SULT2B1: variants seen among roughly 807,000 people sequenced by gnomAD.
The protein encoded by SULT2B1 is sulfotransferase family 2B member 1, also known as sulfotransferase 2B1.
SULT2B1 carries 16 observed loss-of-function variants against 33.2 expected under a neutral mutation model. The observed-to-expected ratio is 0.48, with a 90% CI of 0.33 to 0.73. The LOEUF (loss-of-function observed/expected upper bound fraction) is 0.73, where lower values mean the gene tolerates loss of function less well. Among genes scored for constraint, SULT2B1 ranks in the 30% least tolerant of loss-of-function variants. The probability of loss-of-function intolerance (pLI) is 0.02; values close to 1 mark genes in which losing one functional copy is unlikely to be tolerated. For synonymous variants in SULT2B1, 186 were observed against 200.5 expected (o/e 0.93, Z 0.61); for missense variants, 500 against 506.0 (o/e 0.99, Z 0.11).
chr19:48,588,512 CA>C (rs60798824), intron 3 of SULT2B1, among the ~76,000 whole-genome samples: 4,664 of 139,814 alleles, frequency 0.033, 239 homozygotes, highest in African/African-American at 0.12. Flanking sequence ...AACTCCGTCT[CA>C]AAAAAAAAAC....
At chr19:48,577,292 T>C (rs1467382957) in intron 2 of SULT2B1, among the ~76,000 whole-genome samples, 1 of 144,318 alleles carries the variant, frequency 6.9e-6, no homozygotes, top group Non-Finnish European at 1.5e-5. Context: ...CCTGACCTCA[T>C]GATCCACCAG....
At chr19:48,556,949 C>CA (rs57288472) in intron 1 of SULT2B1, among the ~76,000 whole-genome samples, 31,057 of 144,140 alleles carry the variant, frequency 0.22, 3,713 homozygotes, top group East Asian at 0.44. Flanking sequence ...GACTCTGTCT[C>CA]AAAAAAAAAA....
intron 2 of SULT2B1, among the ~76,000 whole-genome samples, chr19:48,580,849 G>A (rs1158455253): frequency 6.7e-6 from 1 of 149,046 alleles, no homozygotes; most frequent in African/African-American, 2.5e-5. Context: ...CGATCTTCCT[G>A]CCTCAGCCTC....
intron 2 of SULT2B1, among the ~76,000 whole-genome samples, chr19:48,578,888 CAAAT>C (rs1055641107): frequency 4.0e-5 from 6 of 151,872 alleles, no homozygotes; most frequent in Non-Finnish European, 7.4e-5. Flanking sequence ...AAACCAAAAA[CAAAT>C]AAAAATAAAA....
At chr19:48,595,894 C>G (rs1243534144) in intron 5 of SULT2B1, 1 of 152,164 alleles carries the variant, frequency 6.6e-6, no homozygotes, top group Non-Finnish European at 1.5e-5. Context: ...CTCGAACTCC[C>G]GACACCTGTC....
At chr19:48,573,865 C>G (rs3760805) in intron 1 of SULT2B1, among the ~76,000 whole-genome samples, 106,993 of 151,854 alleles carry the variant, frequency 0.7, 39,968 homozygotes, top group Non-Finnish European at 0.83. Context: ...TGGTTTGTTT[C>G]TATGTTTGTT....
At position 48,555,312 on chromosome 19, in the gene SULT2B1, G is replaced by A. The variant is rs1601083280; in HGVS notation, c.71+2989G>A. Among the ~76,000 whole-genome samples, 12 of 152,176 alleles carry A rather than the reference G, an allele frequency of 7.9e-5. No individual in the cohort carries two copies. In the South Asian group the frequency reaches 1.9e-3, roughly 24 times the overall value. On this transcript the variant is annotated intron_variant, in intron 1 of 6. Transcript: ENST00000201586. ...TCACCATGTTGGCCAGGCTGTTCTCGAACTCCTGACCTCAGGTGATCCACC... is the reference window on the plus strand; with the variant it reads ...TCACCATGTTGGCCAGGCTGTTCTCAAACTCCTGACCTCAGGTGATCCACC...
chr19:48,581,893 T>C (rs977930022), intron 2 of SULT2B1, among the ~76,000 whole-genome samples: 1 of 49,178 alleles, frequency 2.0e-5, no homozygotes, highest in Non-Finnish European at 4.3e-5. Flanking sequence ...TATTATTATA[T>C]TATTATTATT....
intron 3 of SULT2B1, among the ~76,000 whole-genome samples, chr19:48,590,028 G>A (rs1331125029): frequency 1.3e-5 from 2 of 151,888 alleles, no homozygotes; most frequent in East Asian, 2.0e-4. Flanking sequence ...TGCCCAGGCT[G>A]GAGTGCAATG....
At chr19:48,582,063 C>G (rs1027887965) in intron 2 of SULT2B1, among the ~76,000 whole-genome samples, 2 of 151,868 alleles carry the variant, frequency 1.3e-5, no homozygotes. Flanking sequence ...CGCCACCATG[C>G]CTGGCTAATT....
chr19:48,575,744 G>T, intron 1 of SULT2B1, 197 bp from the exon 2 acceptor site: 1 of 936,980 alleles, frequency 1.1e-6, no homozygotes, highest in Non-Finnish European at 1.5e-6. Flanking sequence ...GTCTCCCAAA[G>T]TGCTGGGATT....
At chr19:48,585,829 TA>T (rs202081388) in intron 2 of SULT2B1, among the ~76,000 whole-genome samples, 1,608 of 151,836 alleles carry the variant, frequency 0.011, 37 homozygotes, top group African/African-American at 0.037. Context: ...TAAAGTATAA[TA>T]AAAAAAGGGG....
chr19:48,569,371 T>C (rs1401422535), intron 1 of SULT2B1, among the ~76,000 whole-genome samples: 1 of 15,056 alleles, frequency 6.6e-5, no homozygotes, highest in Non-Finnish European at 1.4e-4. Context: ...AACATATATA[T>C]ATATATATAT....
intron 2 of SULT2B1, among the ~76,000 whole-genome samples, chr19:48,578,557 G>A (rs976797166): frequency 3.3e-4 from 50 of 151,830 alleles, no homozygotes; most frequent in African/African-American, 1.2e-3. Context: ...ACTCCAGCTT[G>A]GGTGGCAGAG....
intron 3 of SULT2B1, among the ~76,000 whole-genome samples, chr19:48,588,427 G>A (rs999314065): frequency 6.6e-6 from 1 of 151,248 alleles, no homozygotes; most frequent in Non-Finnish European, 1.5e-5. Context: ...CAGGAGAATC[G>A]CTTGAACCCA....
intron 1 of SULT2B1, among the ~76,000 whole-genome samples, chr19:48,574,272 C>T (rs749256051): frequency 6.6e-6 from 1 of 152,140 alleles, no homozygotes; most frequent in Non-Finnish European, 1.5e-5. Flanking sequence ...CCCTTCATTC[C>T]TTCCTTCCTT....
chr19:48,555,626 G>A (rs1235478171), intron 1 of SULT2B1, among the ~76,000 whole-genome samples: 1 of 150,122 alleles, frequency 6.7e-6, no homozygotes, highest in Non-Finnish European at 1.5e-5. Context: ...TCACACTGGA[G>A]TGCAGTGGCA....
At chr19:48,554,075 C>T (rs997197946) in intron 1 of SULT2B1, among the ~76,000 whole-genome samples, 96 of 152,094 alleles carry the variant, frequency 6.3e-4, no homozygotes, top group African/African-American at 2.3e-3. Flanking sequence ...CTGCGAAGCT[C>T]GGTTTCGTCA....
At chr19:48,582,093 C>CG (rs1410628012) in intron 2 of SULT2B1, among the ~76,000 whole-genome samples, 2 of 151,434 alleles carry the variant, frequency 1.3e-5, no homozygotes, top group African/African-American at 2.4e-5. Context: ...TTAGTAGAGA[C>CG]GGGGTTTTGC....
Sources: gnomAD v4.1 joint callset for allele counts (sites outside exome capture counted in the v4.1 genomes callset) on GRCh38, gnomAD v4.1.1 for gene constraint, MANE v1.5 for transcripts, NCBI Gene and HGNC (gene_info 2026-07-23, HGNC 2026-07-21) for gene names.